NBEA: variants seen among roughly 807,000 people sequenced by gnomAD.
The protein encoded by NBEA is lysosomal-trafficking regulator 2.
NBEA carries 44 observed loss-of-function variants against 343.4 expected under a neutral mutation model. That is an observed-to-expected ratio of 0.13 (90% CI 0.10 to 0.16). The LOEUF is 0.16. Ranked by LOEUF, NBEA falls within the 10% of genes least tolerant of loss-of-function variation. The pLI is 1.00. For synonymous variants in NBEA, 1,175 were observed against 1,238.7 expected, an observed-to-expected ratio of 0.95 and a Z score of 1.08; for missense variants, 2,555 against 3,631.3, an observed-to-expected ratio of 0.70 and a Z score of 7.62.
Position 35,109,366 on chromosome 13 carries a change from A to G in NBEA, c.1757A>G (p.His586Arg), listed in dbSNP as rs1290825152. ...SFAKYLDGLSHGAPLLKQLCD... is the reference protein window; with the variant it reads ...SFAKYLDGLSRGAPLLKQLCD... Reference sequence around the variant, plus strand: ...GCAAAATACCTTGATGGTTTATCTCATGGAGCACCTTTGCTGAAGCAGCTT... The same window carrying G: ...GCAAAATACCTTGATGGTTTATCTCGTGGAGCACCTTTGCTGAAGCAGCTT... Residue 586 changes from histidine to arginine, a missense_variant, in exon 12 of 59, where the codon CAT becomes CGT. His to Arg is a conservative substitution (Grantham distance 29, BLOSUM62 0). Coordinates refer to ENST00000379939, the MANE Select transcript of NBEA (RefSeq NM_001385012.1). 1 of 1,612,610 alleles carries G rather than the reference A, an allele frequency of 6.2e-7. No individual in the cohort carries two copies. Among genetic ancestry groups the G allele is most frequent in the African/African-American group, 1.3e-5 (1 of 74,896 alleles).
intron 47 of NBEA, among the ~76,000 whole-genome samples, chr13:35,599,150 C>T (rs908194710): frequency 2.6e-5 from 4 of 152,148 alleles, no homozygotes; most frequent in Non-Finnish European, 4.4e-5. Context: ...AACTTCCTTG[C>T]TGATCTTCCA....
chr13:35,343,430 T>G lies in NBEA; in HGVS notation c.5904-5678T>G, dbSNP rs79315914. On this transcript the variant is annotated intron_variant, in intron 36 of 58. Coordinates refer to ENST00000379939, the MANE Select transcript of NBEA (RefSeq NM_001385012.1). ...TTGATATATAGAACTTTTCACCCAA[T>G]CATAGACAGTACATATTATTCTCAA... Among the ~76,000 whole-genome samples, 525 of 152,234 alleles carry G rather than the reference T, an allele frequency of 3.4e-3. 2 individuals are homozygous for G. The highest frequency in any genetic ancestry group is 0.012 in the African/African-American group (484 of 41,548).
intron 32 of NBEA, 143 bp downstream of exon 32, chr13:35,208,997 CTT>C (rs2073587087): frequency 2.7e-6 from 2 of 741,636 alleles, no homozygotes; most frequent in Non-Finnish European, 4.0e-6. Flanking sequence ...TATGTTATGA[CTT>C]TTAGAATTTG....
At chr13:35,388,131 C>T (rs1339152819) in intron 38 of NBEA, among the ~76,000 whole-genome samples, 1 of 152,072 alleles carries the variant, frequency 6.6e-6, no homozygotes, top group Non-Finnish European at 1.5e-5. Flanking sequence ...TGTCTATTCC[C>T]TACCTACTAG....
chr13:35,369,601 C>A (rs2041316538), intron 38 of NBEA, among the ~76,000 whole-genome samples: 1 of 151,810 alleles, frequency 6.6e-6, no homozygotes, highest in Non-Finnish European at 1.5e-5. Flanking sequence ...AGGTTGTTCA[C>A]CTCTTTGGTT....
chr13:35,645,551 T>G (rs1164866494), intron 49 of NBEA, among the ~76,000 whole-genome samples: 1 of 152,188 alleles, frequency 6.6e-6, no homozygotes, highest in South Asian at 2.1e-4. Flanking sequence ...CTACACAGGC[T>G]TTAATGAAAT....
intron 22 of NBEA, among the ~76,000 whole-genome samples, chr13:35,160,490 T>C (rs1189118161): frequency 6.6e-6 from 1 of 152,118 alleles, no homozygotes; most frequent in African/African-American, 2.4e-5. Context: ...AACTGATAAA[T>C]GAAGGGGAAG....
At chr13:34,977,974 A>T (rs1286100718) in intron 1 of NBEA, among the ~76,000 whole-genome samples, 1 of 152,024 alleles carries the variant, frequency 6.6e-6, no homozygotes, top group East Asian at 1.9e-4. Flanking sequence ...TAATTGATTA[A>T]AAAAATTTTT....
intron 17 of NBEA, among the ~76,000 whole-genome samples, chr13:35,131,270 T>C (rs775675543): frequency 2.0e-5 from 3 of 152,142 alleles, no homozygotes; most frequent in African/African-American, 4.8e-5. Context: ...GATACCAAAA[T>C]TGGATATGGA....
intron 17 of NBEA, among the ~76,000 whole-genome samples, chr13:35,126,249 T>C (rs1278962771): frequency 2.6e-5 from 4 of 152,080 alleles, no homozygotes; most frequent in African/African-American, 9.7e-5. Context: ...TGCCTACTTC[T>C]CCTTGCCTTC....
At chr13:35,412,537 T>C (rs1315485167) in intron 38 of NBEA, among the ~76,000 whole-genome samples, 1 of 152,158 alleles carries the variant, frequency 6.6e-6, no homozygotes, top group Non-Finnish European at 1.5e-5. Flanking sequence ...GCACAAAGGC[T>C]AGAATCATGC....
At chr13:35,405,605 T>C (rs1410566942) in intron 38 of NBEA, among the ~76,000 whole-genome samples, 1 of 152,094 alleles carries the variant, frequency 6.6e-6, no homozygotes, top group Non-Finnish European at 1.5e-5. Flanking sequence ...TTTTATGAGA[T>C]TTAAAAAACA....
At chr13:35,015,970 T>C (rs1426566169) in intron 1 of NBEA, among the ~76,000 whole-genome samples, 1 of 152,156 alleles carries the variant, frequency 6.6e-6, no homozygotes, top group Non-Finnish European at 1.5e-5. Context: ...ATAATCTTTA[T>C]CTTTTATTCA....
chr13:35,085,592 A>T (rs1457809218), intron 10 of NBEA, among the ~76,000 whole-genome samples: 1 of 152,184 alleles, frequency 6.6e-6, no homozygotes, highest in Non-Finnish European at 1.5e-5. Flanking sequence ...TTAAAATAAT[A>T]AGAGCTATTT....
intron 24 of NBEA, among the ~76,000 whole-genome samples, chr13:35,166,273 G>T (rs1284750436): frequency 1.3e-5 from 2 of 151,962 alleles, no homozygotes; most frequent in Non-Finnish European, 2.9e-5. Context: ...AAATTTTAAA[G>T]GCAAAAGATC....
chr13:35,206,319 G>A (rs1185549891), intron 31 of NBEA, among the ~76,000 whole-genome samples: 5 of 151,944 alleles, frequency 3.3e-5, no homozygotes, highest in African/African-American at 1.2e-4. Context: ...TCTACCTTCT[G>A]CAAATTCATC....
chr13:34,942,628 CCCCGCCGCCTCCGCGGGGGA>C lies in NBEA; in HGVS notation c.-192_-173del, dbSNP rs1472347859. 1.8e-5 allele frequency: 6 copies of C among 327,942 alleles called. No homozygotes were observed. In the South Asian group the frequency reaches 6.8e-4, roughly 37 times the overall value. 20.3% of individuals were successfully genotyped at this position (327,942 alleles called of 1,614,324 possible). A position where few individuals can be genotyped will look rare whatever the true frequency, so the allele number is the denominator to read the frequency against. On this transcript the variant is annotated 5_prime_UTR_variant, in exon 1 of 59. Transcript: ENST00000379939. ...ACCGCCGAGAATAAGCCTGCGGATC[CCCCGCCGCCTCCGCGGGGGA>C]GAGCGCCGGAGCGGGCCGGGCTGAG...
chr13:35,013,868 C>T (rs1427013230), intron 1 of NBEA, among the ~76,000 whole-genome samples: 1 of 151,956 alleles, frequency 6.6e-6, no homozygotes, highest in African/African-American at 2.4e-5. Flanking sequence ...TCATATATGT[C>T]ATTCTTTTTT....
intron 44 of NBEA, among the ~76,000 whole-genome samples, chr13:35,561,597 A>G (rs1337820513): frequency 1.3e-5 from 2 of 152,062 alleles, no homozygotes; most frequent in East Asian, 3.9e-4. Context: ...TTTATGACCC[A>G]TTTCTTAAAA....
Sources: allele counts gnomAD v4.1 joint callset (sites outside exome capture counted in the v4.1 genomes callset), GRCh38; gene constraint gnomAD v4.1.1; transcripts MANE v1.5; gene names NCBI Gene and HGNC (gene_info 2026-07-23, HGNC 2026-07-21).